GLRA3: variants seen among roughly 807,000 people sequenced by gnomAD.
GLRA3 encodes the protein glycine receptor alpha 3, also known as glycine receptor subunit alpha-3.
A neutral mutation model predicts 60.4 loss-of-function variants in GLRA3; 44 were observed. The ratio of observed to expected loss-of-function variants is 0.73; its 90% confidence interval spans 0.57 to 0.94. The LOEUF (loss-of-function observed/expected upper bound fraction) is 0.94, where lower values mean the gene tolerates loss of function less well. Among genes scored for constraint, GLRA3 ranks in the 40% least tolerant of loss-of-function variants. The pLI is 0.00. For missense variants in GLRA3, 508 were observed against 564.6 expected (o/e 0.90, Z 1.02); for synonymous variants, 223 against 192.9 (o/e 1.16, Z -1.29).
At chr4:174,669,930 T>C (rs1019859420) in intron 7 of GLRA3, among the ~76,000 whole-genome samples, 11 of 152,202 alleles carry the variant, frequency 7.2e-5, no homozygotes, top group African/African-American at 2.4e-4. Flanking sequence ...CAAAACTTCA[T>C]TGTTTCCAAA....
chr4:174,779,474 A>G (rs2111272426), intron 2 of GLRA3, among the ~76,000 whole-genome samples: 1 of 152,342 alleles, frequency 6.6e-6, no homozygotes, highest in Admixed American at 6.5e-5. Context: ...AATGACTTTG[A>G]CGAGCTGAGA....
At chr4:174,709,715 A>G (rs890771787) in intron 5 of GLRA3, among the ~76,000 whole-genome samples, 2 of 152,086 alleles carry the variant, frequency 1.3e-5, no homozygotes, top group African/African-American at 2.4e-5. Flanking sequence ...AGAGGCCTTT[A>G]TAATTTGATA....
At chr4:174,656,588 C>A (rs1255063805) in intron 9 of GLRA3, among the ~76,000 whole-genome samples, 155 bp downstream of exon 9, 2 of 151,950 alleles carry the variant, frequency 1.3e-5, no homozygotes, top group Non-Finnish European at 2.9e-5. Flanking sequence ...AAAGAAAATA[C>A]CCTTCTTAGC....
chr4:174,670,829 G>A (rs1167030292), intron 7 of GLRA3, among the ~76,000 whole-genome samples: 1 of 151,994 alleles, frequency 6.6e-6, no homozygotes, highest in African/African-American at 2.4e-5. Flanking sequence ...TAGAACTAGA[G>A]ATATCCATCA....
intron 2 of GLRA3, 30 bp from the exon 3 acceptor site, chr4:174,767,060 T>A: frequency 8.3e-7 from 1 of 1,200,484 alleles, no homozygotes; most frequent in Non-Finnish European, 1.2e-6. Flanking sequence ...ATAAGGGCTG[T>A]TTAGAGACTT....
At chr4:174,763,785 C>T (rs1215856301) in intron 3 of GLRA3, among the ~76,000 whole-genome samples, 1 of 152,120 alleles carries the variant, frequency 6.6e-6, no homozygotes, top group Non-Finnish European at 1.5e-5. Flanking sequence ...TGTTCCCAAA[C>T]AGTAATGATG....
chr4:174,645,448 G>C (rs1201971850), intron 9 of GLRA3, among the ~76,000 whole-genome samples: 1 of 149,716 alleles, frequency 6.7e-6, no homozygotes, highest in African/African-American at 2.5e-5. Flanking sequence ...AGAAAATGAT[G>C]TTGGTTCTGT....
intron 5 of GLRA3, among the ~76,000 whole-genome samples, chr4:174,687,102 T>C (rs528890933): frequency 2.6e-5 from 4 of 152,286 alleles, no homozygotes; most frequent in Admixed American, 2.6e-4. Context: ...CAATGGTGGG[T>C]AAAACTTCTA....
chr4:174,654,799 GCA>G (rs954714867), intron 9 of GLRA3, among the ~76,000 whole-genome samples: 1 of 151,836 alleles, frequency 6.6e-6, no homozygotes, highest in Non-Finnish European at 1.5e-5. Context: ...ACACACACAA[GCA>G]CACACACACA....
intron 4 of GLRA3, among the ~76,000 whole-genome samples, chr4:174,720,312 G>T (rs1051584719): frequency 1.3e-5 from 2 of 152,234 alleles, no homozygotes; most frequent in South Asian, 4.2e-4. Flanking sequence ...CAGGTTTATG[G>T]ATTCTGTAAA....
intron 5 of GLRA3, among the ~76,000 whole-genome samples, chr4:174,705,728 C>T (rs1735484699): frequency 9.1e-6 from 1 of 109,558 alleles, no homozygotes; most frequent in South Asian, 2.8e-4. Flanking sequence ...TATTGACTGT[C>T]GTTAAGAGAA....
At chr4:174,795,814 T>C (rs1739543058) in intron 1 of GLRA3, among the ~76,000 whole-genome samples, 1 of 152,156 alleles carries the variant, frequency 6.6e-6, no homozygotes, top group Non-Finnish European at 1.5e-5. Context: ...GTGGTCTCCT[T>C]ATGAAGTGAG....
chr4:174,741,053 T>A (rs1420406094), intron 3 of GLRA3, among the ~76,000 whole-genome samples: 1 of 152,192 alleles, frequency 6.6e-6, no homozygotes, highest in Non-Finnish European at 1.5e-5. Context: ...TGTATGGGAT[T>A]TTATGTAAGC....
intron 5 of GLRA3, among the ~76,000 whole-genome samples, chr4:174,685,322 A>G (rs1238280272): frequency 1.3e-5 from 2 of 152,210 alleles, no homozygotes; most frequent in Non-Finnish European, 2.9e-5. Context: ...ACCCCTAGGT[A>G]TATCTCACAC....
intron 5 of GLRA3, among the ~76,000 whole-genome samples, chr4:174,702,607 G>A (rs1318037286): frequency 1.3e-5 from 2 of 151,976 alleles, no homozygotes. Flanking sequence ...TTGCTCTGTT[G>A]CCCAGGCTGG....
At chr4:174,784,430 C>A (rs1336525870) in intron 2 of GLRA3, among the ~76,000 whole-genome samples, 2 of 142,802 alleles carry the variant, frequency 1.4e-5, no homozygotes, top group African/African-American at 5.2e-5. Context: ...AACTAACCTG[C>A]ACAATGTGCA....
At chr4:174,723,335 C>T (rs1410733172) in intron 4 of GLRA3, among the ~76,000 whole-genome samples, 1 of 152,014 alleles carries the variant, frequency 6.6e-6, no homozygotes, top group Non-Finnish European at 1.5e-5. Flanking sequence ...CGGAATTAAG[C>T]GCTTTTGTCT....
At chr4:174,671,954 A>G (rs1733925205) in intron 7 of GLRA3, among the ~76,000 whole-genome samples, 1 of 152,130 alleles carries the variant, frequency 6.6e-6, no homozygotes, top group Admixed American at 6.6e-5. Context: ...CCCAGACGCT[A>G]TCTCTGAAAA....
At chr4:174,735,073 C>T (rs1481650985) in intron 3 of GLRA3, among the ~76,000 whole-genome samples, 1 of 152,122 alleles carries the variant, frequency 6.6e-6, no homozygotes, top group Non-Finnish European at 1.5e-5. Context: ...CTCCACAAGC[C>T]CCCATTCATC....
Sources: allele counts gnomAD v4.1 joint callset (sites outside exome capture counted in the v4.1 genomes callset), GRCh38; gene constraint gnomAD v4.1.1; transcripts MANE v1.5; gene names NCBI Gene and HGNC (gene_info 2026-07-23, HGNC 2026-07-21).